The following SSU72 variants were observed in gnomAD, a reference collection of about 807,000 sequenced individuals.
SSU72 encodes RNA polymerase II subunit A C-terminal domain phosphatase SSU72.
SSU72 carries 12 observed loss-of-function variants against 22.7 expected under a neutral mutation model. That is an observed-to-expected ratio of 0.53 (90% CI 0.34 to 0.86). SSU72 has a LOEUF of 0.86. SSU72 is among the 40% of genes least tolerant of loss of function. The pLI is 0.02. For synonymous variants in SSU72, 116 were observed against 98.3 expected, an observed-to-expected ratio of 1.18 and a Z score of -1.06; for missense variants, 151 against 249.8, an observed-to-expected ratio of 0.60 and a Z score of 2.67.
chr1:1,564,480 T>A, intron 2 of SSU72: 1 of 1,477,852 alleles, frequency 6.8e-7, no homozygotes, highest in African/African-American at 1.4e-5. Flanking sequence ...GGGTTCCACC[T>A]CCTCACCTAA....
intron 1 of SSU72, among the ~76,000 whole-genome samples, chr1:1,565,740 C>CCGAGACCCAACACCCAAAGGAG (rs1553132350): frequency 2.1e-4 from 12 of 56,244 alleles, no homozygotes; most frequent in East Asian, 6.9e-3. Flanking sequence ...GTTCCTTGGA[C>CCGAGACCCAACACCCAAAGGAG]TTCCTAGTCA....
intron 2 of SSU72, among the ~76,000 whole-genome samples, chr1:1,550,584 G>A (rs1196159813): frequency 6.6e-6 from 1 of 152,176 alleles, no homozygotes; most frequent in Non-Finnish European, 1.5e-5. Context: ...TGAGCCCCGG[G>A]CCCCAGGCTG....
At chr1:1,550,663 G>A (rs1303354353) in intron 2 of SSU72, among the ~76,000 whole-genome samples, 5 of 152,172 alleles carry the variant, frequency 3.3e-5, no homozygotes, top group East Asian at 1.9e-4. Context: ...CAGTGATCTC[G>A]CCTGGCAGAG....
At chr1:1,570,833 T>G (rs997423714) in intron 1 of SSU72, among the ~76,000 whole-genome samples, 1 of 152,046 alleles carries the variant, frequency 6.6e-6, no homozygotes, top group Non-Finnish European at 1.5e-5. Flanking sequence ...ACAAGCAGGC[T>G]GGGCGTGGTG....
chr1:1,544,585 T>C (rs1205872409), intron 3 of SSU72: 2 of 473,234 alleles, frequency 4.2e-6, no homozygotes, highest in Non-Finnish European at 7.8e-6. Context: ...ACCACTGCAC[T>C]CCAGCCTGGC....
intron 2 of SSU72, chr1:1,562,962 C>T (rs1385170502): frequency 1.3e-5 from 2 of 152,414 alleles, no homozygotes; most frequent in Admixed American, 6.5e-5. Context: ...GGATGGCTCC[C>T]AGCACCACCG....
At chr1:1,548,105 A>G (rs1281773573) in intron 2 of SSU72, among the ~76,000 whole-genome samples, 1 of 152,218 alleles carries the variant, frequency 6.6e-6, no homozygotes, top group African/African-American at 2.4e-5. Context: ...TGTGCCATCC[A>G]TAGAATCGAC....
At chr1:1,547,458 A>G (rs12045013) in intron 2 of SSU72, among the ~76,000 whole-genome samples, 17,635 of 152,232 alleles carry the variant, frequency 0.12, 3,325 homozygotes, top group African/African-American at 0.4. Context: ...GCGAGCAGCC[A>G]CCCTTCTGGA....
chr1:1,566,179 C>A lies in SSU72; in HGVS notation c.81-1263G>T, dbSNP rs562601493. Among the ~76,000 whole-genome samples the A allele has an allele frequency of 2.0e-5, 3 of 151,976 alleles. No homozygotes were observed. In the East Asian group the frequency reaches 5.8e-4, roughly 29 times the overall value. ...ACTTGGGAGGCTGAAGCATGAGAAT[C>A]GCTTGAACCCAGCAGGCACAAGTTG... is the stretch of plus-strand genomic sequence containing the variant. On this transcript the variant is annotated intron_variant, in intron 1 of 4. Coordinates refer to ENST00000291386, the MANE Select transcript of SSU72 (RefSeq NM_014188.3).
At chr1:1,557,444 G>A (rs1294473145) in intron 2 of SSU72, among the ~76,000 whole-genome samples, 2 of 151,308 alleles carry the variant, frequency 1.3e-5, no homozygotes, top group African/African-American at 2.4e-5. Flanking sequence ...AATAAATAAA[G>A]CTTCATATCA....
chr1:1,573,820 G>A (rs1642769996), intron 1 of SSU72, among the ~76,000 whole-genome samples: 1 of 152,070 alleles, frequency 6.6e-6, no homozygotes, highest in Admixed American at 6.6e-5. Context: ...TAAGTCAAGT[G>A]GTCAGTTTCT....
chr1:1,546,658 G>A (rs113747185), intron 2 of SSU72, among the ~76,000 whole-genome samples: 1 of 151,896 alleles, frequency 6.6e-6, no homozygotes, highest in Non-Finnish European at 1.5e-5. Context: ...CCAAGATGGT[G>A]AAACCCCGTC....
intron 1 of SSU72, 145 bp from the exon 2 acceptor site, chr1:1,565,061 C>T (rs192505380): frequency 1.2e-5 from 15 of 1,210,298 alleles, no homozygotes; most frequent in Admixed American, 1.2e-4. Context: ...TAATCTAGGC[C>T]GGGCATGGTG....
At chr1:1,548,554 CAAAA>C (rs774463067) in intron 2 of SSU72, among the ~76,000 whole-genome samples, 4 of 55,278 alleles carry the variant, frequency 7.2e-5, no homozygotes, top group East Asian at 6.5e-4. Flanking sequence ...GACTCTGTCT[CAAAA>C]AAAAAAAAAA....
At chr1:1,544,707 G>A (rs751647069) in intron 3 of SSU72, 156 bp downstream of exon 3, 22 of 988,892 alleles carry the variant, frequency 2.2e-5, no homozygotes, top group Middle Eastern at 2.2e-4. Context: ...AGCGACCAGC[G>A]GCCCTGCCTG....
chr1:1,567,912 C>CAAAAAAAAAAAAAA (rs71574349), intron 1 of SSU72, among the ~76,000 whole-genome samples: 2 of 98,358 alleles, frequency 2.0e-5, no homozygotes, highest in African/African-American at 8.4e-5. Context: ...TACTCTGTTT[C>CAAAAAAAAAAAAAA]AAAAAAAAAA....
chr1:1,548,142 G>A (rs1642414576), intron 2 of SSU72, among the ~76,000 whole-genome samples: 1 of 152,180 alleles, frequency 6.6e-6, no homozygotes, highest in Non-Finnish European at 1.5e-5. Context: ...CCAGGGCCTG[G>A]ACATCCGGCT....
chr1:1,556,031 C>T (rs558266746), intron 2 of SSU72, among the ~76,000 whole-genome samples: 13 of 151,754 alleles, frequency 8.6e-5, no homozygotes, highest in African/African-American at 3.1e-4. Context: ...CATGGTGGCT[C>T]ACTCCTGTAA....
Position 1,574,734 on chromosome 1 carries a change from C to G in SSU72, c.-177G>C, listed in dbSNP as rs1170919932. 8.7e-6 allele frequency: 4 copies of G among 457,764 alleles called. No individual in the cohort carries two copies. The highest frequency in any genetic ancestry group is 1.4e-5 in the Non-Finnish European group (4 of 287,982). 28.4% of individuals were successfully genotyped at this position (457,764 alleles called of 1,614,324 possible). Reference sequence around the variant, plus strand: ...CTCCCCGCCCACCCTGGGCGCCGGGCCGCGGACGGAGCGCAGGCACTGGCC... The same window carrying G: ...CTCCCCGCCCACCCTGGGCGCCGGGGCGCGGACGGAGCGCAGGCACTGGCC... On this transcript the variant is annotated 5_prime_UTR_variant, in exon 1 of 5. Transcript: ENST00000291386.
Sources: allele counts gnomAD v4.1 joint callset (sites outside exome capture counted in the v4.1 genomes callset), GRCh38; gene constraint gnomAD v4.1.1; transcripts MANE v1.5; gene names NCBI Gene and HGNC (gene_info 2026-07-23, HGNC 2026-07-21).